Variants in PAPPA2 observed in about 807,000 individuals in gnomAD.
PAPPA2 encodes pappalysin-2.
In PAPPA2, 86 loss-of-function variants were observed where a neutral mutation model predicts 176.4. The observed-to-expected ratio is 0.49, with a 90% CI of 0.41 to 0.58. PAPPA2 has a LOEUF of 0.58. Ranked by LOEUF, PAPPA2 falls within the 20% of genes least tolerant of loss-of-function variation. PAPPA2 has a pLI of 0.00. For synonymous variants in PAPPA2, 809 were observed against 852.2 expected, an observed-to-expected ratio of 0.95 and a Z score of 0.88; for missense variants, 2,073 against 2,256.9, an observed-to-expected ratio of 0.92 and a Z score of 1.65.
chr1:176,714,899 C>A (rs965551644), intron 12 of PAPPA2, among the ~76,000 whole-genome samples: 7 of 152,084 alleles, frequency 4.6e-5, no homozygotes, highest in African/African-American at 1.7e-4. Flanking sequence ...ATAAATATTT[C>A]AAAAATTATA....
At chr1:176,546,287 C>T (rs1000002419) in intron 1 of PAPPA2, among the ~76,000 whole-genome samples, 2 of 152,174 alleles carry the variant, frequency 1.3e-5, no homozygotes, top group Admixed American at 6.5e-5. Flanking sequence ...CACCTCACTG[C>T]ACTCTCTTTA....
chr1:176,809,204 A>G (rs1369008366), intron 21 of PAPPA2, among the ~76,000 whole-genome samples: 1 of 152,156 alleles, frequency 6.6e-6, no homozygotes, highest in African/African-American at 2.4e-5. Context: ...AAATGTGTTT[A>G]TATTTGTATT....
Position 176,840,209 on chromosome 1 carries a change from A to C in PAPPA2, c.5239A>C (p.Asn1747His). ...QADGWCDTIN[N>H]RAYCHYDGGD... ...AGATGGTTGGTGTGACACTATCAAC[A>C]ACCGAGCCTACTGCCACTATGACGG... Residue 1747 changes from asparagine to histidine, a missense_variant, in exon 22 of 23, where the codon AAC becomes CAC. By Grantham distance (68) the Asn-to-His change is moderately conservative (BLOSUM62 1). Transcript: ENST00000367662. The C allele has an allele frequency of 1.2e-6, 2 of 1,613,520 alleles. No individual in the cohort carries two copies. Among genetic ancestry groups the C allele is most frequent in the Non-Finnish European group, 1.7e-6 (2 of 1,179,656 alleles).
chr1:176,481,359 GAC>G (rs1258118289), intron 1 of PAPPA2, among the ~76,000 whole-genome samples: 1 of 151,508 alleles, frequency 6.6e-6, no homozygotes, highest in Admixed American at 6.6e-5. Flanking sequence ...CGGGGCCTTC[GAC>G]ATGGCTCTGG....
chr1:176,521,927 G>A (rs1413221620), intron 1 of PAPPA2, among the ~76,000 whole-genome samples: 1 of 152,190 alleles, frequency 6.6e-6, no homozygotes, highest in Non-Finnish European at 1.5e-5. Flanking sequence ...TTTCATGTTA[G>A]TATTGTAATC....
chr1:176,555,021 GA>G (rs1651191613), intron 1 of PAPPA2, among the ~76,000 whole-genome samples: 2 of 150,902 alleles, frequency 1.3e-5, no homozygotes, highest in Non-Finnish European at 3.0e-5. Flanking sequence ...GAGAGAGAGA[GA>G]GGGAGAATAC....
intron 12 of PAPPA2, among the ~76,000 whole-genome samples, chr1:176,715,095 T>C (rs952068237): frequency 1.3e-5 from 2 of 152,110 alleles, no homozygotes; most frequent in Admixed American, 1.3e-4. Flanking sequence ...CTTAATGGAT[T>C]CCACCTAAAC....
At chr1:176,636,396 A>G (rs1230650714) in intron 3 of PAPPA2, among the ~76,000 whole-genome samples, 2 of 152,150 alleles carry the variant, frequency 1.3e-5, no homozygotes. Flanking sequence ...TAGCTAGCAA[A>G]TCTGTCTGAA....
At chr1:176,520,105 G>A (rs1042297593) in intron 1 of PAPPA2, among the ~76,000 whole-genome samples, 1 of 152,116 alleles carries the variant, frequency 6.6e-6, no homozygotes, top group Non-Finnish European at 1.5e-5. Context: ...TCCCTTTGTA[G>A]CATTACCAGT....
chr1:176,814,730 C>A (rs1452798957), intron 21 of PAPPA2, among the ~76,000 whole-genome samples: 1 of 152,184 alleles, frequency 6.6e-6, no homozygotes, highest in African/African-American at 2.4e-5. Context: ...TATCTGCAAA[C>A]AAAGATAATT....
chr1:176,522,381 T>C (rs1054364161), intron 1 of PAPPA2, among the ~76,000 whole-genome samples: 18 of 152,322 alleles, frequency 1.2e-4, no homozygotes, highest in African/African-American at 4.3e-4. Context: ...TATGTCATGG[T>C]TCCTCTCTCT....
At chr1:176,507,012 C>T (rs543581771) in intron 1 of PAPPA2, among the ~76,000 whole-genome samples, 27 of 151,882 alleles carry the variant, frequency 1.8e-4, no homozygotes, top group Non-Finnish European at 7.4e-5. Context: ...ACCTACAGAA[C>T]GAGAGAAAGT....
chr1:176,675,305 G>T (rs1334382809), intron 4 of PAPPA2, among the ~76,000 whole-genome samples: 1 of 152,016 alleles, frequency 6.6e-6, no homozygotes, highest in Non-Finnish European at 1.5e-5. Context: ...TATTTCAGGA[G>T]ACAGGGTCAA....
chr1:176,819,893 C>T (rs1188519546), intron 21 of PAPPA2, among the ~76,000 whole-genome samples: 2 of 152,162 alleles, frequency 1.3e-5, no homozygotes, highest in Admixed American at 1.3e-4. Context: ...GAGTGCAGGC[C>T]CCCAAACTGG....
At chr1:176,535,839 G>A (rs2102558323) in intron 1 of PAPPA2, among the ~76,000 whole-genome samples, 1 of 152,296 alleles carries the variant, frequency 6.6e-6, no homozygotes, top group South Asian at 2.1e-4. Context: ...CACAAATAGT[G>A]CTTATCATAG....
At chr1:176,745,233 G>T (rs552492768) in intron 14 of PAPPA2, among the ~76,000 whole-genome samples, 5 of 152,266 alleles carry the variant, frequency 3.3e-5, no homozygotes, top group African/African-American at 7.2e-5. Context: ...AGGAGGAGGG[G>T]TTTTCTCTGC....
intron 20 of PAPPA2, among the ~76,000 whole-genome samples, chr1:176,798,950 C>T (rs1665558823): frequency 6.6e-6 from 1 of 152,182 alleles, no homozygotes; most frequent in African/African-American, 2.4e-5. Flanking sequence ...CCCCATTCTC[C>T]TACCTGACTA....
rs556466136 is a variant in PAPPA2 at position 176,528,059 on chromosome 1, C to T, written c.-916-27348C>T. 4.6e-5 allele frequency among the ~76,000 whole-genome samples: 7 copies of T among 152,314 alleles called. No homozygotes were observed. The South Asian group carries it at 1.5e-3, about 32-fold the overall frequency. On this transcript the variant is annotated intron_variant, in intron 1 of 22. Transcript: ENST00000367662. ...ACCATGACAGTTGGCCACTCTACTG[C>T]CATATCTGAGGATTTATAGTGAAAG...
At chr1:176,505,821 A>G (rs1465347788) in intron 1 of PAPPA2, among the ~76,000 whole-genome samples, 2 of 152,048 alleles carry the variant, frequency 1.3e-5, no homozygotes, top group Non-Finnish European at 2.9e-5. Context: ...ATGAGGTTCA[A>G]AAATATCACA....
Sources: gnomAD v4.1 joint callset for allele counts (sites outside exome capture counted in the v4.1 genomes callset) on GRCh38, gnomAD v4.1.1 for gene constraint, MANE v1.5 for transcripts, NCBI Gene and HGNC (gene_info 2026-07-23, HGNC 2026-07-21) for gene names.